Variants in AMBRA1 observed in about 807,000 individuals in gnomAD.
AMBRA1 encodes the protein activating molecule in BECN1-regulated autophagy protein 1.
A neutral mutation model predicts 125.4 loss-of-function variants in AMBRA1; 47 were observed. That is an observed-to-expected ratio of 0.37 (90% CI 0.30 to 0.48). AMBRA1 has a LOEUF of 0.48. AMBRA1 is among the 20% of genes least tolerant of loss of function. AMBRA1 has a pLI of 0.99. For missense variants in AMBRA1, 1,331 were observed against 1,693.4 expected, an observed-to-expected ratio of 0.79 and a Z score of 3.76; for synonymous variants, 626 against 655.5, an observed-to-expected ratio of 0.95 and a Z score of 0.69.
At chr11:46,499,942 G>A (rs145447326) in intron 9 of AMBRA1, among the ~76,000 whole-genome samples, 24 of 152,116 alleles carry the variant, frequency 1.6e-4, no homozygotes, top group African/African-American at 5.3e-4. Flanking sequence ...ATGAGCCACC[G>A]CCCCCGGCTG....
chr11:46,441,968 A>AC (rs1948032609), intron 12 of AMBRA1, among the ~76,000 whole-genome samples: 1 of 149,544 alleles, frequency 6.7e-6, no homozygotes, highest in African/African-American at 2.5e-5. Flanking sequence ...AAAAAAAAAA[A>AC]ACTTTTTTTT....
intron 1 of AMBRA1, among the ~76,000 whole-genome samples, chr11:46,579,050 A>G (rs893293238): frequency 3.3e-5 from 5 of 150,664 alleles, no homozygotes; most frequent in South Asian, 2.1e-4. Context: ...AGCAATAAAA[A>G]AAAAAAAAAA....
At chr11:46,545,510 G>A in intron 5 of AMBRA1, 94 bp downstream of exon 5, 1 of 1,452,974 alleles carries the variant, frequency 6.9e-7, no homozygotes, top group Non-Finnish European at 9.3e-7. Flanking sequence ...CCCTGAGCAG[G>A]GATAACAACC....
chr11:46,559,383 C>T (rs1565296268), intron 1 of AMBRA1, among the ~76,000 whole-genome samples: 1 of 152,140 alleles, frequency 6.6e-6, no homozygotes, highest in African/African-American at 2.4e-5. Context: ...TCATTACGCA[C>T]ATGTCATTGA....
intron 11 of AMBRA1, among the ~76,000 whole-genome samples, chr11:46,444,739 C>T (rs1403849469): frequency 1.3e-4 from 20 of 152,034 alleles, no homozygotes; most frequent in Non-Finnish European, 2.1e-4. Flanking sequence ...TTTTAGAGAG[C>T]GGCATTTATT....
intron 16 of AMBRA1, 137 bp downstream of exon 16, chr11:46,410,139 C>G: frequency 1.4e-6 from 1 of 740,366 alleles, no homozygotes; most frequent in Non-Finnish European, 2.4e-6. Flanking sequence ...TGAAACTGTA[C>G]ACAAAAGATC....
chr11:46,431,982 C>G (rs1298645277), intron 14 of AMBRA1, among the ~76,000 whole-genome samples: 2 of 152,146 alleles, frequency 1.3e-5, no homozygotes, highest in African/African-American at 2.4e-5. Context: ...TGTTACCCAT[C>G]ATTGGTTCTG....
At position 46,433,577 on chromosome 11, in the gene AMBRA1, A is replaced by C; in HGVS notation, c.2873T>G (p.Val958Gly). Residue 958 changes from valine to glycine, a missense_variant, in exon 14 of 18, where the codon GTG becomes GGG. By Grantham distance (109) the Val-to-Gly change is moderately radical. Transcript: ENST00000683756. ...CAGGATCCTTCGTGAGGCCAAGCCC[A>C]CCATTACATATCTGCCCATTGGGGA... is the stretch of plus-strand genomic sequence containing the variant. Reference protein sequence around the residue: ...SLSPMGRYVMVGLASRRILLH... With the variant: ...SLSPMGRYVMGGLASRRILLH... 1 of 1,614,154 alleles carries C rather than the reference A, an allele frequency of 6.2e-7. No homozygotes were observed. Among genetic ancestry groups the C allele is most frequent in the Non-Finnish European group, 8.5e-7 (1 of 1,180,018 alleles).
chr11:46,543,563 C>T (rs573458454), intron 6 of AMBRA1, among the ~76,000 whole-genome samples, 165 bp from the exon 7 acceptor site: 36 of 152,282 alleles, frequency 2.4e-4, no homozygotes, highest in African/African-American at 8.7e-4. Flanking sequence ...GCCTCAGATT[C>T]AAAATAATCA....
intron 11 of AMBRA1, among the ~76,000 whole-genome samples, chr11:46,446,110 T>C (rs1478061632): frequency 6.6e-6 from 1 of 152,060 alleles, no homozygotes. Context: ...GTTGCCACTG[T>C]GTGGAAGAGA....
chr11:46,443,623 G>A, intron 11 of AMBRA1, 25 bp from the exon 12 acceptor site: 1 of 1,571,384 alleles, frequency 6.4e-7, no homozygotes, highest in Non-Finnish European at 8.8e-7. Context: ...GTCAAAGACA[G>A]CACATTATAT....
Position 46,397,701 on chromosome 11 carries a change from G to T in AMBRA1, c.3646C>A (p.Pro1216Thr). The T allele has an allele frequency of 6.2e-7, 1 of 1,613,012 alleles. No individual in the cohort carries two copies. ...CGCTCTGCCAGTTGCCCGGCCTCTG[G>T]GAGCAGTCCCCGAGAGGTGGAGGGC... ...PQPSTSRGLL[P>T]EAGQLAERGL... is the part of the protein sequence containing the mutation. The change falls in exon 18 of 18, where the codon CCA (proline) becomes ACA (threonine). Residue 1216 changes from proline to threonine, a missense_variant. Transcript: ENST00000683756.
At chr11:46,581,408 A>C (rs867475859) in intron 1 of AMBRA1, among the ~76,000 whole-genome samples, 9 of 151,934 alleles carry the variant, frequency 5.9e-5, no homozygotes, top group Non-Finnish European at 1.3e-4. Flanking sequence ...GGAGATCGAG[A>C]CCATCCTGGC....
At chr11:46,454,157 G>A (rs1441107337) in intron 11 of AMBRA1, among the ~76,000 whole-genome samples, 1 of 151,980 alleles carries the variant, frequency 6.6e-6, no homozygotes, top group Non-Finnish European at 1.5e-5. Context: ...GGAATACAGT[G>A]TATGAGGAAA....
chr11:46,427,481 G>T (rs1037807165), intron 14 of AMBRA1, among the ~76,000 whole-genome samples: 1 of 152,230 alleles, frequency 6.6e-6, no homozygotes. Context: ...GGTCTAGATG[G>T]AATCGCCCTA....
At chr11:46,541,690 C>T (rs781766346) in intron 7 of AMBRA1, among the ~76,000 whole-genome samples, 1 of 152,226 alleles carries the variant, frequency 6.6e-6, no homozygotes, top group East Asian at 1.9e-4. Flanking sequence ...CTAATCTACA[C>T]TCTCCTTTCA....
rs368964576 is a variant in AMBRA1, at chr11:46,577,874, CAGG to C, written c.-121+15951_-121+15953del. On this transcript the variant is annotated intron_variant, in intron 1 of 17. Coordinates refer to ENST00000683756, the MANE Select transcript of AMBRA1 (RefSeq NM_001387011.1). ...CTGAGGCAGGAGAATCACTTGAACCCAGGAGGAGGAGGTTGCAGTGAGCCGATA... is the reference window on the plus strand; with the variant it reads ...CTGAGGCAGGAGAATCACTTGAACCCAGGAGGAGGTTGCAGTGAGCCGATA... Among the ~76,000 whole-genome samples the C allele has an allele frequency of 8.7e-3, 1,317 of 152,172 alleles. 10 individuals are homozygous for C. Among genetic ancestry groups the C allele is most frequent in the African/African-American group, 0.03 (1,266 of 41,516 alleles).
chr11:46,593,536 A>G (rs1591219400), intron 1 of AMBRA1, among the ~76,000 whole-genome samples: 1 of 152,234 alleles, frequency 6.6e-6, no homozygotes, highest in East Asian at 1.9e-4. Context: ...AAGTGCGCAA[A>G]GCTCTATCGG....
At chr11:46,530,415 G>A (rs1054833469) in intron 7 of AMBRA1, among the ~76,000 whole-genome samples, 1 of 152,198 alleles carries the variant, frequency 6.6e-6, no homozygotes, top group Non-Finnish European at 1.5e-5. Flanking sequence ...GGATCTGGAG[G>A]CTCATGCCCT....
Sources: gnomAD v4.1 joint callset for allele counts (sites outside exome capture counted in the v4.1 genomes callset) on GRCh38, gnomAD v4.1.1 for gene constraint, MANE v1.5 for transcripts, NCBI Gene and HGNC (gene_info 2026-07-23, HGNC 2026-07-21) for gene names.